Variants in DACH1 observed in about 807,000 individuals in gnomAD.
DACH1 encodes dachshund family transcription factor 1.
In DACH1, 12 loss-of-function variants were observed where a neutral mutation model predicts 54.2. The observed-to-expected ratio is 0.22, with a 90% confidence interval of 0.14 to 0.36. The LOEUF is 0.36. Among genes scored for constraint, DACH1 ranks in the 10% least tolerant of loss-of-function variants. The probability of loss-of-function intolerance (pLI) is 1.00; values close to 1 mark genes in which losing one functional copy is unlikely to be tolerated. For missense variants in DACH1, 805 were observed against 929.8 expected, an observed-to-expected ratio of 0.87 and a Z score of 1.75; for synonymous variants, 386 against 366.2, an observed-to-expected ratio of 1.05 and a Z score of -0.62.
intron 1 of DACH1, among the ~76,000 whole-genome samples, chr13:71,856,799 TC>T (rs1313630582): frequency 1.3e-5 from 2 of 151,910 alleles, no homozygotes; most frequent in Non-Finnish European, 2.9e-5. Context: ...TTTAACTGGA[TC>T]TTTACTAGGT....
At chr13:71,556,400 A>C (rs1884252554) in intron 6 of DACH1, among the ~76,000 whole-genome samples, 1 of 152,144 alleles carries the variant, frequency 6.6e-6, no homozygotes, top group African/African-American at 2.4e-5. Flanking sequence ...TGCATCTCCA[A>C]GAATAAATTT....
intron 6 of DACH1, among the ~76,000 whole-genome samples, chr13:71,525,960 A>G (rs914634357): frequency 6.6e-6 from 1 of 152,154 alleles, no homozygotes; most frequent in East Asian, 1.9e-4. Flanking sequence ...TCAGTGTGTT[A>G]AATGCTAAGA....
At chr13:71,795,036 A>T (rs1408565368) in intron 1 of DACH1, among the ~76,000 whole-genome samples, 3 of 152,172 alleles carry the variant, frequency 2.0e-5, no homozygotes, top group Non-Finnish European at 2.9e-5. Flanking sequence ...TGGAAGTCCT[A>T]GTTAATTTTT....
At chr13:71,821,340 T>C (rs1594263368) in intron 1 of DACH1, among the ~76,000 whole-genome samples, 1 of 150,272 alleles carries the variant, frequency 6.7e-6, no homozygotes, top group East Asian at 1.9e-4. Context: ...TCAAAGTCCC[T>C]CCTGTGTGCC....
intron 6 of DACH1, among the ~76,000 whole-genome samples, chr13:71,509,115 A>T (rs1486099643): frequency 6.6e-6 from 1 of 152,128 alleles, no homozygotes; most frequent in African/African-American, 2.4e-5. Context: ...TGATCTTTCT[A>T]CTACCACACC....
chr13:71,474,666 T>C (rs767786811), intron 10 of DACH1, among the ~76,000 whole-genome samples: 1 of 152,186 alleles, frequency 6.6e-6, no homozygotes, highest in African/African-American at 2.4e-5. Flanking sequence ...GGAATCCACA[T>C]AGGAACTAAA....
chr13:71,569,887 C>T (rs1366652617), intron 4 of DACH1, among the ~76,000 whole-genome samples: 2 of 152,116 alleles, frequency 1.3e-5, no homozygotes, highest in Non-Finnish European at 2.9e-5. Context: ...GTCATACAGG[C>T]TCAATCTTCT....
intron 10 of DACH1, among the ~76,000 whole-genome samples, chr13:71,450,271 G>A (rs1220225847): frequency 6.7e-6 from 1 of 150,172 alleles, no homozygotes; most frequent in Non-Finnish European, 1.5e-5. Context: ...TAATGTTACT[G>A]TGTCACATTT....
intron 1 of DACH1, among the ~76,000 whole-genome samples, chr13:71,699,418 G>C (rs76396366): frequency 1.1e-4 from 16 of 152,006 alleles, no homozygotes; most frequent in African/African-American, 3.9e-4. Flanking sequence ...CCTTCTTTAG[G>C]CTTCAACAAT....
chr13:71,597,655 T>A (rs896675391), intron 3 of DACH1, among the ~76,000 whole-genome samples: 2 of 152,176 alleles, frequency 1.3e-5, no homozygotes, highest in African/African-American at 4.8e-5. Context: ...GGAATTGATT[T>A]GGTCTCTCAG....
Position 71,656,178 on chromosome 13 carries a change from G to A in DACH1, c.965-25461C>T, listed in dbSNP as rs750784242. On this transcript the variant is annotated intron_variant, in intron 2 of 10. Transcript: ENST00000613252. Reference sequence around the variant, plus strand: ...AGATATTTAGCCATTGTTTTACATTGGTAAACTACTTCAGATGAGCCTTAA... The same window carrying A: ...AGATATTTAGCCATTGTTTTACATTAGTAAACTACTTCAGATGAGCCTTAA... 4.2e-4 allele frequency among the ~76,000 whole-genome samples: 64 copies of A among 152,054 alleles called. 2 individuals carry two copies. The highest frequency in any genetic ancestry group is 1.6e-3 in the Admixed American group (25 of 15,282).
intron 3 of DACH1, among the ~76,000 whole-genome samples, chr13:71,588,808 A>G (rs1873469775): frequency 1.3e-5 from 2 of 151,946 alleles, no homozygotes; most frequent in Non-Finnish European, 2.9e-5. Flanking sequence ...ATAAATGGCT[A>G]TTTTCCTCCC....
At chr13:71,466,845 C>CAAAAAAAAAAAAA (rs55861394) in intron 10 of DACH1, among the ~76,000 whole-genome samples, 1 of 99,450 alleles carries the variant, frequency 1.0e-5, no homozygotes, top group Non-Finnish European at 1.9e-5. Flanking sequence ...CACCCTGTCT[C>CAAAAAAAAAAAAA]AAAAAAAAAA....
chr13:71,659,891 A>C (rs954756409), intron 2 of DACH1, among the ~76,000 whole-genome samples: 3 of 152,104 alleles, frequency 2.0e-5, no homozygotes, highest in African/African-American at 7.2e-5. Context: ...TTAGATGTTC[A>C]TGTTTCTAAC....
At chr13:71,647,630 A>C (rs935272029) in intron 2 of DACH1, among the ~76,000 whole-genome samples, 1 of 152,184 alleles carries the variant, frequency 6.6e-6, no homozygotes, top group Non-Finnish European at 1.5e-5. Flanking sequence ...CAGGGCCACC[A>C]TGACTCACAA....
At chr13:71,452,465 A>T (rs2325393) in intron 10 of DACH1, among the ~76,000 whole-genome samples, 1 of 152,078 alleles carries the variant, frequency 6.6e-6, no homozygotes, top group Non-Finnish European at 1.5e-5. Context: ...AAAAAATTAC[A>T]TCAGCTATAT....
At chr13:71,832,061 T>G in intron 1 of DACH1, among the ~76,000 whole-genome samples, 1 of 151,958 alleles carries the variant, frequency 6.6e-6, no homozygotes, top group East Asian at 1.9e-4. Context: ...CACACAAGAA[T>G]TTCTCAGGCT....
intron 10 of DACH1, among the ~76,000 whole-genome samples, chr13:71,459,744 C>T (rs968129058): frequency 6.6e-6 from 1 of 151,828 alleles, no homozygotes; most frequent in African/African-American, 2.4e-5. Context: ...TACTGAAAAA[C>T]AAGATTTATT....
At chr13:71,790,773 C>T (rs1886798775) in intron 1 of DACH1, among the ~76,000 whole-genome samples, 1 of 152,102 alleles carries the variant, frequency 6.6e-6, no homozygotes, top group African/African-American at 2.4e-5. Flanking sequence ...CACAAAAAAG[C>T]ATTACTTTGC....
Sources: allele counts gnomAD v4.1 joint callset (sites outside exome capture counted in the v4.1 genomes callset), GRCh38; gene constraint gnomAD v4.1.1; transcripts MANE v1.5; gene names NCBI Gene and HGNC (gene_info 2026-07-23, HGNC 2026-07-21).